SLC24A2: variants seen among roughly 807,000 people sequenced by gnomAD.
The protein encoded by SLC24A2 is solute carrier family 24 member 2, also known as sodium/potassium/calcium exchanger 2.
Under a neutral mutation model 62.0 loss-of-function variants are expected in SLC24A2, and 36 were observed. The ratio of observed to expected loss-of-function variants is 0.58; its 90% CI spans 0.44 to 0.77. The LOEUF is 0.77. SLC24A2 is among the 30% of genes least tolerant of loss of function. The pLI is 0.00. For synonymous variants in SLC24A2, 358 were observed against 294.0 expected (o/e 1.22, Z -2.23); for missense variants, 846 against 817.9 (o/e 1.03, Z -0.42).
chr9:20,095,983 A>G, the SLC24A2 span, among the ~76,000 whole-genome samples: 8 of 152,096 alleles, frequency 5.3e-5, no homozygotes, highest in African/African-American at 1.9e-4. Context: ...ATTATTTCCC[A>G]CTGGGTCCCT....
intron 2 of SLC24A2, among the ~76,000 whole-genome samples, chr9:19,751,809 T>C (rs956543820): frequency 3.3e-5 from 5 of 152,114 alleles, no homozygotes; most frequent in African/African-American, 1.2e-4. Context: ...GGATCAGACG[T>C]AGGAAGGGTG....
At chr9:19,542,475 T>C (rs1302338502) in intron 8 of SLC24A2, among the ~76,000 whole-genome samples, 2 of 152,166 alleles carry the variant, frequency 1.3e-5, no homozygotes, top group East Asian at 1.9e-4. Context: ...TCCAATACTA[T>C]ATTGAATAGG....
At chr9:20,255,615 GTCTA>G in the SLC24A2 span, among the ~76,000 whole-genome samples, 6,159 of 152,236 alleles carry the variant, frequency 0.04, 329 homozygotes, top group African/African-American at 0.13. Context: ...TTCCACACGA[GTCTA>G]TCTAAGAGGC....
chr9:19,857,376 C>T, the SLC24A2 span, among the ~76,000 whole-genome samples: 1 of 152,176 alleles, frequency 6.6e-6, no homozygotes, highest in African/African-American at 2.4e-5. Context: ...ATTACATCTA[C>T]AAAGTTATTT....
the SLC24A2 span, among the ~76,000 whole-genome samples, chr9:20,184,152 AG>A: frequency 6.6e-6 from 1 of 152,004 alleles, no homozygotes; most frequent in African/African-American, 2.4e-5. Flanking sequence ...AATGGCCAAC[AG>A]GTTCATGAAA....
chr9:20,215,907 G>C, the SLC24A2 span, among the ~76,000 whole-genome samples: 7 of 152,156 alleles, frequency 4.6e-5, no homozygotes, highest in Non-Finnish European at 1.0e-4. Context: ...TCTCATGCTA[G>C]TTCCCAATCC....
the SLC24A2 span, among the ~76,000 whole-genome samples, chr9:19,851,000 TACACATACATATATATATATATACA>T: frequency 1.4e-3 from 64 of 45,098 alleles, 2 homozygotes; most frequent in Non-Finnish European, 1.7e-3. Context: ...TATATATATA[TACACATACATATATATATATATACA>T]TATTTTTTTT....
At chr9:20,165,441 G>C in the SLC24A2 span, among the ~76,000 whole-genome samples, 1 of 151,718 alleles carries the variant, frequency 6.6e-6, no homozygotes, top group Non-Finnish European at 1.5e-5. Context: ...TTAAAGGTGT[G>C]GTAATGGCAC....
chr9:19,557,748 C>CTT (rs10711958), intron 7 of SLC24A2, among the ~76,000 whole-genome samples: 23 of 141,676 alleles, frequency 1.6e-4, no homozygotes, highest in Non-Finnish European at 3.2e-4. Context: ...ATTTAATTGA[C>CTT]TTTTTTTTTT....
chr9:19,857,689 G>T, the SLC24A2 span, among the ~76,000 whole-genome samples: 544 of 151,100 alleles, frequency 3.6e-3, 1 homozygote, highest in African/African-American at 0.011. Flanking sequence ...ATGCAATTGG[G>T]TTTTAAATAT....
At chr9:20,192,783 TCCAACATGCAG>T in the SLC24A2 span, among the ~76,000 whole-genome samples, 1 of 152,098 alleles carries the variant, frequency 6.6e-6, no homozygotes, top group Non-Finnish European at 1.5e-5. Context: ...CTTGATTAAT[TCCAACATGCAG>T]CCAAGGTTGA....
chr9:19,912,602 A>G, the SLC24A2 span, among the ~76,000 whole-genome samples: 4 of 152,078 alleles, frequency 2.6e-5, no homozygotes, highest in Admixed American at 6.6e-5. Flanking sequence ...ATTTCTTGCT[A>G]TTCCTCCCAG....
At chr9:20,016,475 A>C in the SLC24A2 span, among the ~76,000 whole-genome samples, 2 of 152,194 alleles carry the variant, frequency 1.3e-5, no homozygotes, top group Non-Finnish European at 2.9e-5. Context: ...TGTTTTGCTT[A>C]TGATTTATGT....
the SLC24A2 span, among the ~76,000 whole-genome samples, chr9:20,044,064 C>T: frequency 6.6e-6 from 1 of 152,112 alleles, no homozygotes; most frequent in Non-Finnish European, 1.5e-5. Context: ...AAGACAAGAC[C>T]CTCTACCAGC....
At chr9:20,030,285 G>C in the SLC24A2 span, among the ~76,000 whole-genome samples, 1 of 152,210 alleles carries the variant, frequency 6.6e-6, no homozygotes, top group African/African-American at 2.4e-5. Context: ...GAACCTTGAA[G>C]GGTTTCAGGA....
At chr9:19,690,017 T>C (rs1031626056) in intron 2 of SLC24A2, among the ~76,000 whole-genome samples, 1 of 152,072 alleles carries the variant, frequency 6.6e-6, no homozygotes, top group Non-Finnish European at 1.5e-5. Context: ...GTGCTCCAAT[T>C]CTTAGGCTTT....
the SLC24A2 span, among the ~76,000 whole-genome samples, chr9:20,064,066 T>C: frequency 6.6e-6 from 1 of 152,106 alleles, no homozygotes; most frequent in Non-Finnish European, 1.5e-5. Context: ...AAACTAGAAA[T>C]AACCCAAGTG....
chr9:19,516,529 A>C, intron 10 of SLC24A2, 127 bp from the exon 11 acceptor site: 6 of 1,186,710 alleles, frequency 5.1e-6, no homozygotes, highest in Non-Finnish European at 7.2e-6. Context: ...GTGTCTTGTT[A>C]GGTTCACTAT....
At chr9:20,153,061 T>A in the SLC24A2 span, among the ~76,000 whole-genome samples, 1 of 151,906 alleles carries the variant, frequency 6.6e-6, no homozygotes, top group Non-Finnish European at 1.5e-5. Flanking sequence ...CAACACATGC[T>A]TATACAGAAA....
Sources: gnomAD v4.1 joint callset for allele counts (sites outside exome capture counted in the v4.1 genomes callset) on GRCh38, gnomAD v4.1.1 for gene constraint, MANE v1.5 for transcripts, NCBI Gene and HGNC (gene_info 2026-07-23, HGNC 2026-07-21) for gene names.